PTPRG: variants seen among roughly 807,000 people sequenced by gnomAD.
PTPRG encodes receptor-type tyrosine-protein phosphatase gamma.
Under a neutral mutation model 165.3 loss-of-function variants are expected in PTPRG, and 102 were observed. The ratio of observed to expected loss-of-function variants is 0.62; its 90% confidence interval spans 0.53 to 0.73. The LOEUF (loss-of-function observed/expected upper bound fraction) is 0.73. Among genes scored for constraint, PTPRG ranks in the 30% least tolerant of loss-of-function variants. The probability of loss-of-function intolerance (pLI) is 0.00; values close to 1 mark genes in which losing one functional copy is unlikely to be tolerated. For missense variants in PTPRG, 1,866 were observed against 1,861.4 expected (o/e 1.00, Z -0.05); for synonymous variants, 675 against 669.5 (o/e 1.01, Z -0.13).
chr3:62,091,512 C>T (rs181705219), intron 5 of PTPRG, among the ~76,000 whole-genome samples: 12 of 152,260 alleles, frequency 7.9e-5, no homozygotes, highest in Non-Finnish European at 1.5e-4. Context: ...GCCATTAGAA[C>T]GTAAAAGGGC....
At chr3:61,932,475 G>C (rs1194566783) in intron 2 of PTPRG, among the ~76,000 whole-genome samples, 1 of 152,226 alleles carries the variant, frequency 6.6e-6, no homozygotes, top group Admixed American at 6.5e-5. Context: ...AGCTGACCAA[G>C]TACCTTTGAC....
At chr3:61,826,464 A>T (rs915160948) in intron 2 of PTPRG, among the ~76,000 whole-genome samples, 1 of 152,194 alleles carries the variant, frequency 6.6e-6, no homozygotes, top group African/African-American at 2.4e-5. Flanking sequence ...CCCCACAAAA[A>T]TGATTTACAG....
At chr3:61,961,235 A>C (rs1348103039) in intron 2 of PTPRG, among the ~76,000 whole-genome samples, 1 of 152,198 alleles carries the variant, frequency 6.6e-6, no homozygotes, top group Non-Finnish European at 1.5e-5. Flanking sequence ...CTTAGGCAGC[A>C]TAAGTTTCCA....
At chr3:61,735,254 T>C (rs560204233) in intron 1 of PTPRG, among the ~76,000 whole-genome samples, 1 of 152,342 alleles carries the variant, frequency 6.6e-6, no homozygotes, top group African/African-American at 2.4e-5. Context: ...TCATTTAAGA[T>C]TGTAATAGCC....
At chr3:61,593,043 A>G (rs531070581) in intron 1 of PTPRG, among the ~76,000 whole-genome samples, 14 of 152,294 alleles carry the variant, frequency 9.2e-5, no homozygotes, top group Non-Finnish European at 1.9e-4. Flanking sequence ...CAGCAGCATC[A>G]CCATTACCTG....
intron 9 of PTPRG, among the ~76,000 whole-genome samples, chr3:62,193,749 A>G (rs1699895159): frequency 6.6e-6 from 1 of 152,222 alleles, no homozygotes; most frequent in Admixed American, 6.5e-5. Context: ...TGTGGCCACA[A>G]TAACATTTTA....
chr3:61,738,277 TAC>T (rs1312615600), intron 1 of PTPRG, among the ~76,000 whole-genome samples: 1,697 of 99,064 alleles, frequency 0.017, 140 homozygotes, highest in African/African-American at 0.056. Flanking sequence ...TATATATATA[TAC>T]ATATATATAT....
intron 1 of PTPRG, among the ~76,000 whole-genome samples, chr3:61,708,221 AAAAAT>A (rs1439084710): frequency 6.6e-6 from 1 of 152,066 alleles, no homozygotes; most frequent in African/African-American, 2.4e-5. Context: ...AGCTCATTAA[AAAAAT>A]ATTGAGTCAC....
intron 10 of PTPRG, among the ~76,000 whole-genome samples, chr3:62,198,408 A>T (rs944889831): frequency 6.6e-6 from 1 of 152,160 alleles, no homozygotes. Flanking sequence ...AAAGAGTAAA[A>T]ATTACCAAAT....
intron 12 of PTPRG, among the ~76,000 whole-genome samples, chr3:62,215,822 G>T (rs560396919): frequency 6.6e-6 from 1 of 152,100 alleles, no homozygotes; most frequent in South Asian, 2.1e-4. Flanking sequence ...TGGCTTGAGG[G>T]ACGATATAAT....
intron 2 of PTPRG, among the ~76,000 whole-genome samples, chr3:61,940,537 G>A (rs1478361764): frequency 6.6e-6 from 1 of 152,114 alleles, no homozygotes; most frequent in Admixed American, 6.5e-5. Flanking sequence ...GATTTGGCAT[G>A]TGCTCTGTGT....
intron 1 of PTPRG, among the ~76,000 whole-genome samples, chr3:61,722,871 T>A (rs2032110339): frequency 6.6e-6 from 1 of 152,200 alleles, no homozygotes; most frequent in South Asian, 2.1e-4. Flanking sequence ...TTAAGAACTT[T>A]ATAAAGGTGC....
intron 1 of PTPRG, among the ~76,000 whole-genome samples, chr3:61,664,982 G>A (rs1233432445): frequency 1.3e-5 from 2 of 152,182 alleles, no homozygotes; most frequent in Non-Finnish European, 2.9e-5. Context: ...CCACTAGCAG[G>A]TGGAGTTTTC....
intron 1 of PTPRG, among the ~76,000 whole-genome samples, chr3:61,703,003 G>A (rs938375188): frequency 2.0e-5 from 3 of 152,184 alleles, no homozygotes; most frequent in African/African-American, 7.2e-5. Flanking sequence ...TAAGGGATAA[G>A]GTTAAATGTA....
chr3:61,808,084 A>G (rs2035469642), intron 2 of PTPRG, among the ~76,000 whole-genome samples: 1 of 152,222 alleles, frequency 6.6e-6, no homozygotes, highest in South Asian at 2.1e-4. Context: ...TGATATTGTT[A>G]TACAAACAAA....
chr3:61,916,012 C>G (rs1489751118), intron 2 of PTPRG, among the ~76,000 whole-genome samples: 1 of 152,200 alleles, frequency 6.6e-6, no homozygotes, highest in African/African-American at 2.4e-5. Context: ...AACTATTCAA[C>G]TGCTTTTAAT....
At chr3:61,630,435 C>A (rs1701742602) in intron 1 of PTPRG, among the ~76,000 whole-genome samples, 1 of 152,136 alleles carries the variant, frequency 6.6e-6, no homozygotes, top group African/African-American at 2.4e-5. Context: ...TGTAACATAT[C>A]TGGTTAATAC....
At chr3:61,728,109 G>C (rs138878343) in intron 1 of PTPRG, among the ~76,000 whole-genome samples, 1 of 152,032 alleles carries the variant, frequency 6.6e-6, no homozygotes, top group African/African-American at 2.4e-5. Flanking sequence ...TTTGCCTAGC[G>C]TGCTGGCAAA....
At chr3:62,051,300 A>T (rs1052514278) in intron 4 of PTPRG, among the ~76,000 whole-genome samples, 1 of 152,206 alleles carries the variant, frequency 6.6e-6, no homozygotes, top group African/African-American at 2.4e-5. Flanking sequence ...TATGAGCATC[A>T]TTTGGCACAA....
Sources: allele counts gnomAD v4.1 joint callset (sites outside exome capture counted in the v4.1 genomes callset), GRCh38; gene constraint gnomAD v4.1.1; transcripts MANE v1.5; gene names NCBI Gene and HGNC (gene_info 2026-07-23, HGNC 2026-07-21).